LRRC2: variants seen among roughly 807,000 people sequenced by gnomAD.
The protein encoded by LRRC2 is leucine-rich repeat-containing protein 2.
Under a neutral mutation model 40.2 loss-of-function variants are expected in LRRC2, and 27 were observed. That is an observed-to-expected ratio of 0.67 (90% CI 0.49 to 0.93). The LOEUF (loss-of-function observed/expected upper bound fraction) is 0.93, where lower values mean the gene tolerates loss of function less well. Ranked by LOEUF, LRRC2 falls within the 40% of genes least tolerant of loss-of-function variation. LRRC2 has a pLI of 0.00. For synonymous variants in LRRC2, 147 were observed against 158.9 expected (o/e 0.92, Z 0.56); for missense variants, 402 against 439.6 (o/e 0.91, Z 0.76).
At chr3:46,539,973 C>T (rs1455129076) in intron 3 of LRRC2, among the ~76,000 whole-genome samples, 1 of 151,992 alleles carries the variant, frequency 6.6e-6, no homozygotes, top group Non-Finnish European at 1.5e-5. Context: ...CACACAGGTC[C>T]CCTGACCTCA....
chr3:46,544,861 T>C (rs1186557539), intron 3 of LRRC2, among the ~76,000 whole-genome samples, 185 bp downstream of exon 3: 2 of 152,210 alleles, frequency 1.3e-5, no homozygotes, highest in African/African-American at 4.8e-5. Flanking sequence ...GCATCCCAGC[T>C]GCTCAGCCAC....
At chr3:46,565,669 G>A (rs1295947437) in intron 1 of LRRC2, among the ~76,000 whole-genome samples, 2 of 152,106 alleles carry the variant, frequency 1.3e-5, no homozygotes, top group Non-Finnish European at 1.5e-5. Context: ...TCCTCCTCTG[G>A]GTCTCCAGTC....
chr3:46,545,005 C>T (rs377175189), intron 3 of LRRC2, 41 bp downstream of exon 3: 8 of 1,575,124 alleles, frequency 5.1e-6, no homozygotes, highest in Middle Eastern at 2.3e-4. Flanking sequence ...CAGCAGTCAT[C>T]GACCACAGCA....
At chr3:46,520,850 C>G (rs1703951806) in intron 8 of LRRC2, among the ~76,000 whole-genome samples, 1 of 152,198 alleles carries the variant, frequency 6.6e-6, no homozygotes, top group African/African-American at 2.4e-5. Flanking sequence ...ATTAGAAGAC[C>G]AAAGACTGAT....
At chr3:46,538,530 A>T (rs1704313862) in intron 4 of LRRC2, among the ~76,000 whole-genome samples, 1 of 152,050 alleles carries the variant, frequency 6.6e-6, no homozygotes, top group Admixed American at 6.6e-5. Flanking sequence ...GCTACTTGGG[A>T]GGCTGAGGCA....
chr3:46,527,329 C>T (rs1559409402), intron 7 of LRRC2, 97 bp downstream of exon 7: 2 of 1,265,232 alleles, frequency 1.6e-6, no homozygotes, highest in Non-Finnish European at 2.2e-6. Context: ...GTACGAGAGC[C>T]ATCTAATCCG....
intron 3 of LRRC2, among the ~76,000 whole-genome samples, chr3:46,539,747 G>C (rs1355735868): frequency 6.6e-6 from 1 of 152,216 alleles, no homozygotes; most frequent in African/African-American, 2.4e-5. Context: ...ACCTCCCTGG[G>C]TCTCCACTGC....
chr3:46,531,488 T>G (rs1209882064), intron 5 of LRRC2, among the ~76,000 whole-genome samples: 1 of 151,936 alleles, frequency 6.6e-6, no homozygotes, highest in Non-Finnish European at 1.5e-5. Context: ...AGGGTGGCAG[T>G]GGGAAGGTGA....
At chr3:46,563,290 C>A (rs961242718) in intron 1 of LRRC2, among the ~76,000 whole-genome samples, 9 of 152,174 alleles carry the variant, frequency 5.9e-5, no homozygotes, top group African/African-American at 1.2e-4. Flanking sequence ...AGAACTAGAT[C>A]ATGCCACCAC....
chr3:46,556,196 T>G (rs538909096), intron 1 of LRRC2, among the ~76,000 whole-genome samples: 1 of 152,124 alleles, frequency 6.6e-6, no homozygotes, highest in East Asian at 1.9e-4. Context: ...CACAACTCAC[T>G]GCAGCCTCAA....
chr3:46,561,331 G>A (rs1353323062), intron 1 of LRRC2, among the ~76,000 whole-genome samples: 1 of 152,080 alleles, frequency 6.6e-6, no homozygotes, highest in Non-Finnish European at 1.5e-5. Flanking sequence ...TTAAGCTCAG[G>A]AGTTTGAGAG....
rs1455574067 is a variant in LRRC2 at position 46,545,042 on chromosome 3, T to C, written c.333+4A>G. 6.2e-7 allele frequency: 1 copy of C among 1,612,110 alleles called. No homozygotes were observed. Among genetic ancestry groups the C allele is most frequent in the Non-Finnish European group, 8.5e-7 (1 of 1,179,728 alleles). On this transcript the variant is annotated splice_donor_region_variant and intron_variant, in intron 3 of 8. Coordinates refer to ENST00000395905, the MANE Select transcript of LRRC2 (RefSeq NM_024512.5). Reference sequence around the variant, plus strand: ...TGCATTGGGCGAGAACTGCCTCGACTCACCGTCCAGTGCTCCCCAGAAAGT... The same window carrying C: ...TGCATTGGGCGAGAACTGCCTCGACCCACCGTCCAGTGCTCCCCAGAAAGT...
intron 2 of LRRC2, among the ~76,000 whole-genome samples, chr3:46,550,039 G>A (rs1031457076): frequency 6.6e-6 from 1 of 152,138 alleles, no homozygotes; most frequent in South Asian, 2.1e-4. Context: ...TGTTGCCCAG[G>A]CTAGTCTCAA....
intron 4 of LRRC2, among the ~76,000 whole-genome samples, chr3:46,535,799 A>T (rs189040905): frequency 3.3e-5 from 5 of 152,324 alleles, no homozygotes; most frequent in African/African-American, 1.2e-4. Flanking sequence ...TAACATAAAG[A>T]TGATGCTAAT....
chr3:46,531,951 T>C (rs1704167743), intron 5 of LRRC2, among the ~76,000 whole-genome samples: 1 of 152,210 alleles, frequency 6.6e-6, no homozygotes, highest in Non-Finnish European at 1.5e-5. Flanking sequence ...CATTAAAAAT[T>C]GTTCACTTTT....
chr3:46,522,416 T>TAAAC (rs71098410), intron 7 of LRRC2, among the ~76,000 whole-genome samples: 2,099 of 146,020 alleles, frequency 0.014, 59 homozygotes, highest in African/African-American at 0.048. Flanking sequence ...AATAAATAAA[T>TAAAC]AAACAAACGA....
intron 1 of LRRC2, among the ~76,000 whole-genome samples, chr3:46,552,426 C>G (rs1404226282): frequency 6.7e-6 from 1 of 150,160 alleles, no homozygotes; most frequent in Non-Finnish European, 1.5e-5. Flanking sequence ...AATTGCTTTT[C>G]TAAAAGTCCC....
chr3:46,541,332 CAAAAA>C (rs571449281), intron 3 of LRRC2, among the ~76,000 whole-genome samples: 3 of 63,946 alleles, frequency 4.7e-5, no homozygotes, highest in African/African-American at 6.2e-5. Context: ...GACTCCGTCT[CAAAAA>C]AAAAAAAAAA....
At chr3:46,530,200 C>T (rs1403607288) in intron 5 of LRRC2, 150 bp from the exon 6 acceptor site, 4 of 654,672 alleles carry the variant, frequency 6.1e-6, no homozygotes, top group Non-Finnish European at 7.9e-6. Context: ...TGAAGCACCT[C>T]AGATGTGTCA....
Sources: gnomAD v4.1 joint callset for allele counts (sites outside exome capture counted in the v4.1 genomes callset) on GRCh38, gnomAD v4.1.1 for gene constraint, MANE v1.5 for transcripts, NCBI Gene and HGNC (gene_info 2026-07-23, HGNC 2026-07-21) for gene names.